The following TPM3 variants were observed in gnomAD, a reference collection of about 807,000 sequenced individuals.
TPM3 encodes the protein tropomyosin alpha-3 chain.
A neutral mutation model predicts 43.1 loss-of-function variants in TPM3; 16 were observed. The ratio of observed to expected loss-of-function variants is 0.37; its 90% CI spans 0.25 to 0.56. The LOEUF is 0.56. Ranked by LOEUF, TPM3 falls within the 20% of genes least tolerant of loss-of-function variation. The probability of loss-of-function intolerance (pLI) is 0.77; values close to 1 mark genes in which losing one functional copy is unlikely to be tolerated. For synonymous variants in TPM3, 101 were observed against 116.9 expected, an observed-to-expected ratio of 0.86 and a Z score of 0.88; for missense variants, 176 against 337.2, an observed-to-expected ratio of 0.52 and a Z score of 3.74.
intron 8 of TPM3, 168 bp downstream of exon 8, chr1:154,170,232 C>A: frequency 1.4e-6 from 1 of 695,098 alleles, no homozygotes; most frequent in Non-Finnish European, 2.5e-6. Context: ...AAAACCAATT[C>A]TAGAGTTTGA....
At chr1:154,156,588 C>G (rs1659828964), downstream of TPM3, 1 of 200,456 alleles carries the variant, frequency 5.0e-6, no homozygotes, top group Non-Finnish European at 1.0e-5. Flanking sequence ...GATCAACAAA[C>G]TGCCAGCCCA....
intron 5 of TPM3, chr1:154,172,684 C>T: frequency 1.6e-6 from 1 of 610,144 alleles, no homozygotes; most frequent in Admixed American, 2.7e-5. Context: ...TTTGTAAACC[C>T]TACCAACAAA....
chr1:154,167,504 A>G lies in TPM3; in HGVS notation c.*433T>C. 1.8e-6 allele frequency: 2 copies of G among 1,084,020 alleles called. No homozygotes were observed. The highest frequency in any genetic ancestry group is 2.2e-6 in the Non-Finnish European group (2 of 889,272). The allele number at this position is 1,084,020 out of a possible 1,614,324, so 67.2% of individuals were successfully genotyped here. A position where few individuals can be genotyped will look rare whatever the true frequency, so the allele number is the denominator to read the frequency against. On this transcript the variant is annotated 3_prime_UTR_variant, in exon 10 of 10. Coordinates refer to ENST00000651641, the MANE Select transcript of TPM3 (RefSeq NM_152263.4). Reference sequence around the variant, plus strand: ...GGAAATAAGGAATTTAATCTTGTTCAGCTTGAGGAGTATAACTAAAATTAC... The same window carrying G: ...GGAAATAAGGAATTTAATCTTGTTCGGCTTGAGGAGTATAACTAAAATTAC...
Position 154,162,364 on chromosome 1 carries a change from CA to C in TPM3, c.*5572del, listed in dbSNP as rs58289686. ...TGGGCAACAGAGCAAGACTCCGTCT[CA>C]AAAAAAAAAAAAAAAAAAAACACAA... On this transcript the variant is annotated 3_prime_UTR_variant, in exon 10 of 10. Transcript: ENST00000651641. Among the ~76,000 whole-genome samples the C allele has an allele frequency of 0.014, 1,039 of 75,066 alleles. 14 individuals are homozygous for C. Among genetic ancestry groups the C allele is most frequent in the Middle Eastern group, 0.039 (5 of 128 alleles). 49.2% of individuals were successfully genotyped at this position (75,066 alleles called of 152,430 possible). A position where few individuals can be genotyped will look rare whatever the true frequency, so the allele number is the denominator to read the frequency against.
chr1:154,179,196 C>T (rs992851225), intron 2 of TPM3, among the ~76,000 whole-genome samples: 5 of 152,104 alleles, frequency 3.3e-5, no homozygotes, highest in Non-Finnish European at 7.3e-5. Context: ...AATGCATTAC[C>T]CAGGGAGATA....
intron 2 of TPM3, chr1:154,183,257 T>TGCC: frequency 6.6e-7 from 1 of 1,523,020 alleles, no homozygotes; most frequent in African/African-American, 1.4e-5. Flanking sequence ...GACGTCCCTC[T>TGCC]GCCGCGCCCT....
Position 154,162,818 on chromosome 1 carries a change from A to C in TPM3, c.*5119T>G, listed in dbSNP as rs982665664. On this transcript the variant is annotated 3_prime_UTR_variant, in exon 10 of 10. Transcript: ENST00000651641. Reference sequence around the variant, plus strand: ...GTTTGTTGGTCTCTATCCTTGGCTCACACTAGTCATACCGCAAGGAAAACA... The same window carrying C: ...GTTTGTTGGTCTCTATCCTTGGCTCCCACTAGTCATACCGCAAGGAAAACA... Among the ~76,000 whole-genome samples, 3 of 152,188 alleles carry C rather than the reference A, an allele frequency of 2.0e-5. No individual in the cohort carries two copies. The highest frequency in any genetic ancestry group is 4.4e-5 in the Non-Finnish European group (3 of 68,032).
intron 1 of TPM3, 94 bp downstream of exon 1, chr1:154,191,808 T>C (rs1252525344): frequency 5.9e-5 from 93 of 1,575,706 alleles, no homozygotes; most frequent in Non-Finnish European, 7.8e-5. Flanking sequence ...AAAAAGGAGG[T>C]GACACCAGTA....
chr1:154,183,334 C>T (rs1663200476), intron 2 of TPM3: 7 of 1,454,804 alleles, frequency 4.8e-6, no homozygotes, highest in South Asian at 2.7e-5. Flanking sequence ...TGGATCCTCC[C>T]AGTCGCCCTG....
intron 2 of TPM3, 32 bp from the exon 3 acceptor site, chr1:154,176,280 G>A: frequency 1.2e-6 from 2 of 1,614,114 alleles, no homozygotes; most frequent in South Asian, 2.2e-5. Context: ...GACAAGGGAA[G>A]CAGAGGCATG....
At chr1:154,187,517 C>T in intron 2 of TPM3, 3 of 984,342 alleles carry the variant, frequency 3.0e-6, no homozygotes, top group Non-Finnish European at 3.6e-6. Flanking sequence ...TTGGTGGATT[C>T]CTATGTAAAT....
rs1391450491 is a variant in TPM3, at chr1:154,168,531, CT to C, written c.855-592del. On this transcript the variant is annotated intron_variant, in intron 9 of 9. Transcript: ENST00000651641. ...GATCCAAGATTAATTGCCTCCAGAG[CT>C]TTTTTTTCTTAGACAGTCTTGCTCT... Among the ~76,000 whole-genome samples, 4 of 151,888 alleles carry C rather than the reference CT, an allele frequency of 2.6e-5. No homozygotes were observed. The South Asian group carries it at 6.2e-4, about 24-fold the overall frequency.
chr1:154,170,844 G>A, intron 6 of TPM3, 133 bp from the exon 7 acceptor site: 1 of 720,756 alleles, frequency 1.4e-6, no homozygotes, highest in Non-Finnish European at 2.5e-6. Context: ...TAAGAGCAAG[G>A]CCTGGCTCTG....
chr1:154,176,433 T>TC (rs1453432230), intron 2 of TPM3, among the ~76,000 whole-genome samples, 185 bp from the exon 3 acceptor site: 3 of 152,070 alleles, frequency 2.0e-5, no homozygotes, highest in African/African-American at 7.2e-5. Context: ...TTCCTCCCTT[T>TC]CCCATCAACG....
chr1:154,168,623 G>A (rs1278954746), intron 9 of TPM3, among the ~76,000 whole-genome samples: 2 of 152,098 alleles, frequency 1.3e-5, no homozygotes, highest in Non-Finnish European at 2.9e-5. Context: ...CTGGTTTCAA[G>A]TGATTCTCCT....
intron 2 of TPM3, among the ~76,000 whole-genome samples, chr1:154,181,669 C>T (rs535084788): frequency 6.6e-6 from 1 of 152,276 alleles, no homozygotes; most frequent in African/African-American, 2.4e-5. Context: ...CCTGTAATCC[C>T]AGCACTTTGG....
At chr1:154,178,085 T>G in intron 2 of TPM3, 2 of 964,478 alleles carry the variant, frequency 2.1e-6, no homozygotes, top group Non-Finnish European at 2.5e-6. Context: ...AGGCAAGACC[T>G]AGGAGACACT....
Position 154,176,097 on chromosome 1 carries a change from T to A in TPM3, c.377+18A>T. On this transcript the variant is annotated intron_variant, in intron 3 of 9. Transcript: ENST00000651641. Reference sequence around the variant, plus strand: ...ATGAACTTTTAAAATCCACACTCCATCAGGCTTCCCTACACACCTCTCACT... The same window carrying A: ...ATGAACTTTTAAAATCCACACTCCAACAGGCTTCCCTACACACCTCTCACT... 1.9e-6 allele frequency: 3 copies of A among 1,612,666 alleles called. No individual in the cohort carries two copies. Among genetic ancestry groups the A allele is most frequent in the Non-Finnish European group, 2.5e-6 (3 of 1,179,908 alleles).
At position 154,166,582 on chromosome 1, in the gene TPM3, G is replaced by C. The variant is rs1440984740; in HGVS notation, c.*1355C>G. The C allele has an allele frequency of 9.5e-6, 10 of 1,051,654 alleles. No homozygotes were observed. The highest frequency in any genetic ancestry group is 1.1e-5 in the Non-Finnish European group (10 of 870,836). The allele number at this position is 1,051,654 out of a possible 1,614,324, so 65.1% of individuals were successfully genotyped here. A position where few individuals can be genotyped will look rare whatever the true frequency, so the allele number is the denominator to read the frequency against. On this transcript the variant is annotated 3_prime_UTR_variant, in exon 10 of 10. Transcript: ENST00000651641. ...AAAGCAAATTTTAAATACATACCCT[G>C]CTGGGAAACTAAAGTACTAAGTGAA...
Sources: allele counts gnomAD v4.1 joint callset (sites outside exome capture counted in the v4.1 genomes callset), GRCh38; gene constraint gnomAD v4.1.1; transcripts MANE v1.5; gene names NCBI Gene and HGNC (gene_info 2026-07-23, HGNC 2026-07-21).